FBXL19: variants seen among roughly 807,000 people sequenced by gnomAD.
FBXL19 encodes the protein F-box/LRR-repeat protein 19.
In FBXL19, 16 loss-of-function variants were observed where a neutral mutation model predicts 71.2. The observed-to-expected ratio is 0.22, with a 90% CI of 0.15 to 0.34. The LOEUF (loss-of-function observed/expected upper bound fraction) is 0.34. FBXL19 is among the 10% of genes least tolerant of loss of function. The pLI is 1.00. For synonymous variants in FBXL19, 447 were observed against 409.4 expected (o/e 1.09, Z -1.11); for missense variants, 658 against 968.2 (o/e 0.68, Z 4.25).
chr16:30,933,085 C>G (rs1376453348), intron 7 of FBXL19, among the ~76,000 whole-genome samples: 1 of 152,020 alleles, frequency 6.6e-6, no homozygotes, highest in Non-Finnish European at 1.5e-5. Flanking sequence ...ACCACAACCT[C>G]CACCTCCCAG....
intron 5 of FBXL19, 67 bp from the exon 6 acceptor site, chr16:30,928,400 G>A (rs1373323021): frequency 4.5e-5 from 65 of 1,437,758 alleles, no homozygotes; most frequent in Non-Finnish European, 5.7e-5. Context: ...ATGGACCTTA[G>A]ATTTCTGGCC....
chr16:30,941,881 G>C (rs1458202), intron 7 of FBXL19, among the ~76,000 whole-genome samples: 1 of 152,058 alleles, frequency 6.6e-6, no homozygotes, highest in Non-Finnish European at 1.5e-5. Flanking sequence ...AATCATAAAC[G>C]AGGCTTCTGA....
rs916898921 is a variant in FBXL19 at position 30,927,819 on chromosome 16, G to T, written c.483G>T (p.Lys161Asn). The T allele has an allele frequency of 9.7e-6, 15 of 1,549,586 alleles. No homozygotes were observed. The highest frequency in any genetic ancestry group is 1.3e-5 in the Non-Finnish European group (15 of 1,147,418). ...EEGASLGSGW[K>N]LTEEPPLPPP... Reference sequence around the variant, plus strand: ...GCGCCAGCTTGGGGAGCGGATGGAAGCTGACAGAGGAGCCACCGCTTCCAC... The same window carrying T: ...GCGCCAGCTTGGGGAGCGGATGGAATCTGACAGAGGAGCCACCGCTTCCAC... Residue 161 changes from lysine to asparagine, a missense_variant, in exon 5 of 11, where the codon AAG (lysine) becomes AAT (asparagine). By Grantham distance (94) the Lys-to-Asn change is moderately conservative (BLOSUM62 0). This residue lies in a region of FBXL19 where 447 missense variants were observed against 515.4 expected (regional missense o/e 0.87). Coordinates refer to ENST00000338343, the MANE Select transcript of FBXL19 (RefSeq NM_001382779.1).
intron 2 of FBXL19, among the ~76,000 whole-genome samples, chr16:30,926,195 C>T (rs1413306120): frequency 1.3e-5 from 2 of 152,172 alleles, no homozygotes; most frequent in African/African-American, 4.8e-5. Context: ...GCAGAATGCC[C>T]AGCCCCTGCT....
At position 30,924,183 on chromosome 16, in the gene FBXL19, T is replaced by TG. The variant is rs972531229; in HGVS notation, c.-294dup. ...TGCGCCCAAGGAGCCCCCGTTGGCC[T>TG]GGGGGGGCTGAGGGACTGAGCCTCC... On this transcript the variant is annotated 5_prime_UTR_variant, in exon 1 of 11. Coordinates refer to ENST00000338343, the MANE Select transcript of FBXL19 (RefSeq NM_001382779.1). The TG allele has an allele frequency of 1.4e-3, 207 of 151,816 alleles. No individual in the cohort carries two copies. The highest frequency in any genetic ancestry group is 4.7e-3 in the African/African-American group (193 of 41,366). 9.4% of individuals were successfully genotyped at this position (151,816 alleles called of 1,614,324 possible).
chr16:30,941,930 T>A lies in FBXL19; in HGVS notation c.1302-186T>A, dbSNP rs139696059. 5.3e-5 allele frequency among the ~76,000 whole-genome samples: 8 copies of A among 152,284 alleles called. No individual in the cohort carries two copies. The East Asian group carries it at 1.5e-3, about 29-fold the overall frequency. On this transcript the variant is annotated intron_variant, in intron 7 of 10. Coordinates refer to ENST00000338343, the MANE Select transcript of FBXL19 (RefSeq NM_001382779.1). Reference sequence around the variant, plus strand: ...GAACAGACTTGCCCAGGGTCTCATTTCCAGTTAGTGATGGAGTTGGGTTCC... The same window carrying A: ...GAACAGACTTGCCCAGGGTCTCATTACCAGTTAGTGATGGAGTTGGGTTCC...
At chr16:30,937,980 C>T (rs1025117726) in intron 7 of FBXL19, among the ~76,000 whole-genome samples, 1 of 152,044 alleles carries the variant, frequency 6.6e-6, no homozygotes, top group East Asian at 1.9e-4. Context: ...ACAGAAAGAG[C>T]AAAGGGGCAG....
Position 30,924,571 on chromosome 16 carries a change from C to G in FBXL19, c.-25+112C>G, listed in dbSNP as rs375467239. ...CGCCCCCAGCCTCACCCTCTCTCTA[C>G]TCCAAACTCATCTCCAGCCCTCCTT... is the stretch of plus-strand genomic sequence containing the variant. On this transcript the variant is annotated intron_variant, in intron 1 of 10. Coordinates refer to ENST00000338343, the MANE Select transcript of FBXL19 (RefSeq NM_001382779.1). 404 of 1,346,390 alleles carry G rather than the reference C, an allele frequency of 3.0e-4. 6 individuals carry two copies. The East Asian group carries it at 8.5e-3, about 28-fold the overall frequency. 83.4% of individuals were successfully genotyped at this position (1,346,390 alleles called of 1,614,324 possible).
chr16:30,924,588 G>T (rs761641640), intron 1 of FBXL19, 129 bp downstream of exon 1: 341 of 1,350,422 alleles, frequency 2.5e-4, no homozygotes, highest in Admixed American at 3.7e-4. Context: ...CTCATCTCCA[G>T]CCCTCCTTCC....
At chr16:30,943,766 G>A (rs937021156) in intron 9 of FBXL19, among the ~76,000 whole-genome samples, 21 of 151,834 alleles carry the variant, frequency 1.4e-4, no homozygotes, top group African/African-American at 4.4e-4. Context: ...GCCTTCCAAA[G>A]TGTTGGGATT....
intron 7 of FBXL19, among the ~76,000 whole-genome samples, chr16:30,939,476 C>T (rs2055776914): frequency 1.3e-5 from 2 of 149,530 alleles, no homozygotes. Flanking sequence ...TGCAGTGGCA[C>T]GATCTCGGCT....
chr16:30,936,601 C>CTTTTTTTTTTTT (rs547272418), intron 7 of FBXL19, among the ~76,000 whole-genome samples: 50 of 118,114 alleles, frequency 4.2e-4, no homozygotes, highest in Middle Eastern at 4.3e-3. Context: ...AATTTTTTTT[C>CTTTTTTTTTTTT]TTTTTTTTTT....
chr16:30,929,553 A>ATTATT (rs372805514), intron 6 of FBXL19, among the ~76,000 whole-genome samples: 10,315 of 152,010 alleles, frequency 0.068, 473 homozygotes, highest in Non-Finnish European at 0.11. Flanking sequence ...AGGGCTGGAA[A>ATTATT]TTATTTTATT....
chr16:30,946,388 G>A lies in FBXL19; in HGVS notation c.1628-342G>A, dbSNP rs192841717. The stretch of plus-strand genomic sequence containing the variant: ...CCGGCTAATTTTTGTATGTTGAGTA[G>A]AGACAAGGTTTTGCCATGTTAGGCC... On this transcript the variant is annotated intron_variant, in intron 9 of 10. Coordinates refer to ENST00000338343, the MANE Select transcript of FBXL19 (RefSeq NM_001382779.1). The surrounding 1 kb of genome is among the most constrained non-coding windows in gnomAD (Gnocchi z 6.7). Among the ~76,000 whole-genome samples, 309 of 152,248 alleles carry A rather than the reference G, an allele frequency of 2.0e-3. 2 individuals carry two copies. The highest frequency in any genetic ancestry group is 7.1e-3 in the African/African-American group (293 of 41,538).
chr16:30,926,843 G>A (rs1025477050), intron 2 of FBXL19, among the ~76,000 whole-genome samples: 1 of 152,080 alleles, frequency 6.6e-6, no homozygotes, highest in Non-Finnish European at 1.5e-5. Flanking sequence ...GTTCCCAGGG[G>A]GTCTTGCCAA....
At chr16:30,926,352 G>A (rs988759999) in intron 2 of FBXL19, among the ~76,000 whole-genome samples, 1 of 152,210 alleles carries the variant, frequency 6.6e-6, no homozygotes, top group Non-Finnish European at 1.5e-5. Flanking sequence ...GTGACCTTGA[G>A]CAAATCATGC....
At position 30,947,299 on chromosome 16, in the gene FBXL19, G is replaced by A; in HGVS notation, c.*69G>A. On this transcript the variant is annotated 3_prime_UTR_variant, in exon 11 of 11. Transcript: ENST00000338343. Reference sequence around the variant, plus strand: ...CCTCCGGCTTCATTTCACCCCTGCTGGGAGGCCAGGTTCCCACCTCACCAC... The same window carrying A: ...CCTCCGGCTTCATTTCACCCCTGCTAGGAGGCCAGGTTCCCACCTCACCAC... 2 of 1,332,350 alleles carry A rather than the reference G, an allele frequency of 1.5e-6. No individual in the cohort carries two copies. The highest frequency in any genetic ancestry group is 2.6e-5 in the Admixed American group (1 of 38,568). 82.5% of individuals were successfully genotyped at this position (1,332,350 alleles called of 1,614,324 possible).
At chr16:30,923,548 AGGAG>A (rs948590824), upstream of FBXL19, among the ~76,000 whole-genome samples, 1 of 34,394 alleles carries the variant, frequency 2.9e-5, no homozygotes, top group African/African-American at 1.1e-4. Flanking sequence ...GGAGGGAAGG[AGGAG>A]GGAGGGGAGG....
At chr16:30,947,001 G>A in intron 10 of FBXL19, 51 bp from the exon 11 acceptor site, 1 of 1,577,618 alleles carries the variant, frequency 6.3e-7, no homozygotes. Context: ...CACGGCCAGT[G>A]CCAACCCCTT....
Sources: gnomAD v4.1 joint callset for allele counts (sites outside exome capture counted in the v4.1 genomes callset) on GRCh38, gnomAD v4.1.1 for gene constraint, gnomAD v4.1.1 regional missense constraint, Gnocchi (gnomAD v3.1) non-coding constraint, MANE v1.5 for transcripts, NCBI Gene and HGNC (gene_info 2026-07-23, HGNC 2026-07-21) for gene names.